Variants in CACNA1B observed in about 807,000 individuals in gnomAD.
CACNA1B encodes the protein voltage-dependent N-type calcium channel subunit alpha-1B.
CACNA1B carries 70 observed loss-of-function variants against 247.2 expected under a neutral mutation model. The ratio of observed to expected loss-of-function variants is 0.28; its 90% confidence interval spans 0.23 to 0.35. The LOEUF (loss-of-function observed/expected upper bound fraction) is 0.35. Ranked by LOEUF, CACNA1B falls within the 10% of genes least tolerant of loss-of-function variation. CACNA1B has a pLI of 1.00. For missense variants in CACNA1B, 2,367 were observed against 3,197.4 expected, an observed-to-expected ratio of 0.74 and a Z score of 6.26; for synonymous variants, 1,231 against 1,294.4, an observed-to-expected ratio of 0.95 and a Z score of 1.05.
chr9:137,988,399 A>AG (rs547013654), intron 15 of CACNA1B, among the ~76,000 whole-genome samples: 1 of 152,160 alleles, frequency 6.6e-6, no homozygotes, highest in South Asian at 2.1e-4. Flanking sequence ...GCTCCATGCC[A>AG]GGGGGGTGGC....
intron 31 of CACNA1B, among the ~76,000 whole-genome samples, chr9:138,069,070 C>T (rs1960031308): frequency 6.6e-6 from 1 of 152,196 alleles, no homozygotes; most frequent in Non-Finnish European, 1.5e-5. Flanking sequence ...GCTCAGCTGT[C>T]CCCTGGCCAC....
At position 138,023,826 on chromosome 9, in the gene CACNA1B, G is replaced by A; in HGVS notation, c.3068+15G>A. On this transcript the variant is annotated intron_variant, in intron 19 of 46. Coordinates refer to ENST00000371372, the MANE Select transcript of CACNA1B (RefSeq NM_000718.4). ...CACCAGCCCCGGTGAGTCCGCGGCT[G>A]GGCGGGGTCAGGGAGGGAAGGGTTG... 3.2e-6 allele frequency: 4 copies of A among 1,268,078 alleles called. No homozygotes were observed. Among genetic ancestry groups the A allele is most frequent in the Non-Finnish European group, 4.5e-6 (4 of 890,970 alleles). 78.6% of individuals were successfully genotyped at this position (1,268,078 alleles called of 1,614,324 possible).
In CACNA1B at chr9:137,950,022, G is replaced by A. The variant is rs1957861301; in HGVS notation, c.967-2252G>A. ...CTGGCCATTTTTGGCCTTTCAGCAT[G>A]GGACCTTGGATCTCAGTTAAGCATT... is the stretch of plus-strand genomic sequence containing the variant. On this transcript the variant is annotated intron_variant, in intron 6 of 46. Coordinates refer to ENST00000371372, the MANE Select transcript of CACNA1B (RefSeq NM_000718.4). This position sits in a 1 kb window ranked among gnomAD's most constrained non-coding sequence, Gnocchi z 4.8. Among the ~76,000 whole-genome samples the A allele has an allele frequency of 6.6e-6, 1 of 152,174 alleles. No homozygotes were observed. Among genetic ancestry groups the A allele is most frequent in the Admixed American group, 6.5e-5 (1 of 15,278 alleles).
chr9:138,063,995 G>C (rs942654246), intron 31 of CACNA1B, among the ~76,000 whole-genome samples: 2 of 152,190 alleles, frequency 1.3e-5, no homozygotes, highest in African/African-American at 4.8e-5. Context: ...CAGTTAGTTA[G>C]GACTAGCCAA....
rs1000483609 is a variant in CACNA1B, at chr9:138,007,657, T to C, written c.2092+773T>C. Among the ~76,000 whole-genome samples, 17 of 152,134 alleles carry C rather than the reference T, an allele frequency of 1.1e-4. No individual in the cohort carries two copies. The highest frequency in any genetic ancestry group is 4.1e-4 in the African/African-American group (17 of 41,424). On this transcript the variant is annotated intron_variant, in intron 16 of 46. Coordinates refer to ENST00000371372, the MANE Select transcript of CACNA1B (RefSeq NM_000718.4). This position sits in a 1 kb window ranked among gnomAD's most constrained non-coding sequence, Gnocchi z 4.1. ...CCCAGGGTGTCAGAGGCAGTGGGGCTGGGCTGGGGCCTGAGAATGTGCATT... is the reference window on the plus strand; with the variant it reads ...CCCAGGGTGTCAGAGGCAGTGGGGCCGGGCTGGGGCCTGAGAATGTGCATT...
chr9:138,030,736 A>C (rs1278629816), intron 20 of CACNA1B, among the ~76,000 whole-genome samples: 1 of 152,202 alleles, frequency 6.6e-6, no homozygotes, highest in Non-Finnish European at 1.5e-5. Context: ...TTACAAATAT[A>C]ATTTCCTTAA....
At chr9:138,025,232 A>G in intron 20 of CACNA1B, 60 bp downstream of exon 20, 2 of 1,169,456 alleles carry the variant, frequency 1.7e-6, no homozygotes, top group South Asian at 1.4e-5. Flanking sequence ...AGCAACCCCC[A>G]TTCCCTCCTG....
intron 3 of CACNA1B, among the ~76,000 whole-genome samples, chr9:137,893,383 GC>G (rs1957132111): frequency 6.6e-6 from 1 of 150,902 alleles, no homozygotes; most frequent in Non-Finnish European, 1.5e-5. Flanking sequence ...GGGTGCGGTG[GC>G]TCATGCCTGT....
In CACNA1B at chr9:138,011,815, G is replaced by A. The variant is rs1033955137; in HGVS notation, c.2161-1314G>A. Among the ~76,000 whole-genome samples the A allele has an allele frequency of 3.3e-5, 5 of 152,162 alleles. No homozygotes were observed. The highest frequency in any genetic ancestry group is 7.3e-5 in the Non-Finnish European group (5 of 68,036). ...GGGACTTAGTTTCTGCCAGCGTTGC[G>A]CCCCGAATGCAGATTCAAGGACATT... On this transcript the variant is annotated intron_variant, in intron 17 of 46. Coordinates refer to ENST00000371372, the MANE Select transcript of CACNA1B (RefSeq NM_000718.4). This position sits in a 1 kb window ranked among gnomAD's most constrained non-coding sequence, Gnocchi z 4.2.
chr9:137,949,294 T>TG (rs1957848759), intron 6 of CACNA1B, among the ~76,000 whole-genome samples: 1 of 53,856 alleles, frequency 1.9e-5, no homozygotes, highest in African/African-American at 7.0e-5. Flanking sequence ...TTGCGTGTCC[T>TG]TTGTGTCTGG....
chr9:137,912,264 G>A (rs376440996), intron 3 of CACNA1B, among the ~76,000 whole-genome samples: 1 of 152,176 alleles, frequency 6.6e-6, no homozygotes, highest in South Asian at 2.1e-4. Context: ...GGGCACCCTC[G>A]TTTTGAATCT....
At chr9:137,924,374 C>G (rs1485996661) in intron 6 of CACNA1B, among the ~76,000 whole-genome samples, 2 of 148,830 alleles carry the variant, frequency 1.3e-5, no homozygotes, top group Admixed American at 1.3e-4. Context: ...CCTCTTTCCC[C>G]TCCTCCTTCC....
In CACNA1B at chr9:138,052,669, C is replaced by T. The variant is rs1475130589; in HGVS notation, c.3807+481C>T. 6.6e-6 allele frequency among the ~76,000 whole-genome samples: 1 copy of T among 152,256 alleles called. No individual in the cohort carries two copies. The highest frequency in any genetic ancestry group is 2.4e-5 in the African/African-American group (1 of 41,464). ...CTTCATGTGCTTCAGCTCACTTAATCTCCCAAACCTTTATGCAGCAGATTC... is the reference window on the plus strand; with the variant it reads ...CTTCATGTGCTTCAGCTCACTTAATTTCCCAAACCTTTATGCAGCAGATTC... On this transcript the variant is annotated intron_variant, in intron 25 of 46. Transcript: ENST00000371372. The surrounding 1 kb of genome is among the most constrained non-coding windows in gnomAD (Gnocchi z 5.1).
chr9:138,027,939 G>C (rs969259937), intron 20 of CACNA1B, among the ~76,000 whole-genome samples: 10 of 147,876 alleles, frequency 6.8e-5, no homozygotes, highest in Non-Finnish European at 1.5e-4. Flanking sequence ...CAATGACATA[G>C]AGTTATCTAT....
At chr9:137,939,074 G>GA (rs957732915) in intron 6 of CACNA1B, among the ~76,000 whole-genome samples, 16 of 149,138 alleles carry the variant, frequency 1.1e-4, no homozygotes, top group African/African-American at 1.7e-4. Flanking sequence ...TGTCCTAAAA[G>GA]AAAAAAAAAG....
chr9:138,090,351 A>G (rs889434060), intron 36 of CACNA1B, among the ~76,000 whole-genome samples: 3 of 152,178 alleles, frequency 2.0e-5, no homozygotes, highest in African/African-American at 7.2e-5. Flanking sequence ...AGATATCCAC[A>G]TGCAGAAAAA....
At chr9:138,049,581 G>A (rs1383593692) in intron 24 of CACNA1B, among the ~76,000 whole-genome samples, 2 of 152,146 alleles carry the variant, frequency 1.3e-5, no homozygotes, top group Non-Finnish European at 2.9e-5. Flanking sequence ...CTGGAGGGGT[G>A]GGTGCTATGT....
chr9:138,052,249 C>CATGTGTGCGTGTGT lies in CACNA1B; in HGVS notation c.3807+61_3807+62insATGTGTGCGTGTGT, dbSNP rs1554752991. 67 of 779,436 alleles carry CATGTGTGCGTGTGT rather than the reference C, an allele frequency of 8.6e-5. No individual in the cohort carries two copies. The highest frequency in any genetic ancestry group is 7.8e-4 in the African/African-American group (44 of 56,386). 48.3% of individuals were successfully genotyped at this position (779,436 alleles called of 1,614,324 possible). A position where few individuals can be genotyped will look rare whatever the true frequency, so the allele number is the denominator to read the frequency against. The stretch of plus-strand genomic sequence containing the variant: ...GTGTGTGTGTGCGTGTGTGTGTGTG[C>CATGTGTGCGTGTGT]GTGTGTGTGTGTGTATGCATGCAGT... On this transcript the variant is annotated intron_variant, in intron 25 of 46. Transcript: ENST00000371372. This position sits in a 1 kb window ranked among gnomAD's most constrained non-coding sequence, Gnocchi z 5.1.
chr9:138,001,842 A>C (rs1958581058), intron 15 of CACNA1B, among the ~76,000 whole-genome samples: 1 of 152,208 alleles, frequency 6.6e-6, no homozygotes, highest in Non-Finnish European at 1.5e-5. Context: ...CCCAGAAATA[A>C]ATCTAACTAA....
Sources: allele counts gnomAD v4.1 joint callset (sites outside exome capture counted in the v4.1 genomes callset), GRCh38; gene constraint gnomAD v4.1.1; non-coding constraint Gnocchi (gnomAD v3.1); transcripts MANE v1.5; gene names NCBI Gene and HGNC (gene_info 2026-07-23, HGNC 2026-07-21).